The following DLGAP1 variants were observed in gnomAD, a reference collection of about 807,000 sequenced individuals.
DLGAP1 encodes DLG associated protein 1, also known as disks large-associated protein 1.
In DLGAP1, 11 loss-of-function variants were observed where a neutral mutation model predicts 90.8. The observed-to-expected ratio is 0.12, with a 90% CI of 0.08 to 0.20. The LOEUF (loss-of-function observed/expected upper bound fraction) is 0.20, where lower values mean the gene tolerates loss of function less well. DLGAP1 is among the 10% of genes least tolerant of loss of function. The pLI, the probability that DLGAP1 is intolerant of heterozygous loss-of-function variation, is 1.00. For missense variants in DLGAP1, 1,050 were observed against 1,333.8 expected (o/e 0.79, Z 3.31); for synonymous variants, 558 against 540.7 (o/e 1.03, Z -0.44).
chr18:4,068,077 C>A (rs1489960439), intron 2 of DLGAP1, among the ~76,000 whole-genome samples: 2 of 151,802 alleles, frequency 1.3e-5, no homozygotes, highest in East Asian at 3.9e-4. Flanking sequence ...TCAAAGCACA[C>A]CCTCCTTCTC....
intron 2 of DLGAP1, among the ~76,000 whole-genome samples, chr18:4,119,204 G>A (rs972369748): frequency 3.3e-5 from 5 of 151,980 alleles, no homozygotes; most frequent in South Asian, 2.1e-4. Flanking sequence ...TGATCCTCCC[G>A]CCTCAGCCTC....
At chr18:3,824,094 A>C (rs912284154) in intron 4 of DLGAP1, among the ~76,000 whole-genome samples, 1 of 152,006 alleles carries the variant, frequency 6.6e-6, no homozygotes, top group Non-Finnish European at 1.5e-5. Flanking sequence ...TATTGGAGGC[A>C]TATCTGTTGG....
chr18:4,111,916 GT>G (rs1315641227), intron 2 of DLGAP1, among the ~76,000 whole-genome samples: 2 of 150,262 alleles, frequency 1.3e-5, no homozygotes, highest in African/African-American at 4.9e-5. Context: ...TTTCTCTTTT[GT>G]TTTTGTTTTT....
rs140763489 is a variant in DLGAP1, at chr18:4,389,355, G to T, written c.-267+65651C>A. Among the ~76,000 whole-genome samples the T allele has an allele frequency of 6.7e-3, 1,016 of 152,216 alleles. 13 individuals carry two copies. Among genetic ancestry groups the T allele is most frequent in the African/African-American group, 0.023 (973 of 41,536 alleles). On this transcript the variant is annotated intron_variant, in intron 1 of 12. Transcript: ENST00000315677. ...TAAAGTAGAATGATGGCTGCCAAGG[G>T]GTACGGGTAGGGGAAAATGGGGAGT...
chr18:3,846,052 G>A (rs986727151), intron 4 of DLGAP1, among the ~76,000 whole-genome samples: 22 of 151,052 alleles, frequency 1.5e-4, no homozygotes, highest in African/African-American at 5.1e-4. Context: ...TGGTGTGTGT[G>A]TGTGTGTGTG....
intron 3 of DLGAP1, among the ~76,000 whole-genome samples, chr18:3,890,854 A>T (rs982683410): frequency 5.3e-5 from 8 of 152,180 alleles, no homozygotes; most frequent in Non-Finnish European, 7.3e-5. Flanking sequence ...TCAGCCTCCC[A>T]AAGTGCTGGA....
rs1029410641 is a variant in DLGAP1, at chr18:4,378,631, A to C, written c.-267+76375T>G. Among the ~76,000 whole-genome samples the C allele has an allele frequency of 2.0e-5, 3 of 152,112 alleles. No homozygotes were observed. Among genetic ancestry groups the C allele is most frequent in the African/African-American group, 7.2e-5 (3 of 41,430 alleles). ...CCATGGTGGGGAGGCACACTACACAATTTGAAAGCACCTAAGGTGCTCCGT... is the reference window on the plus strand; with the variant it reads ...CCATGGTGGGGAGGCACACTACACACTTTGAAAGCACCTAAGGTGCTCCGT... On this transcript the variant is annotated intron_variant, in intron 1 of 12. Coordinates refer to ENST00000315677, the MANE Select transcript of DLGAP1 (RefSeq NM_004746.4). This position sits in a 1 kb window ranked among gnomAD's most constrained non-coding sequence, Gnocchi z 4.5.
At chr18:4,335,315 T>C (rs184449008) in intron 1 of DLGAP1, among the ~76,000 whole-genome samples, 1 of 151,980 alleles carries the variant, frequency 6.6e-6, no homozygotes, top group African/African-American at 2.4e-5. Flanking sequence ...GTTTTTTACC[T>C]CCCTCCCACC....
At chr18:3,857,986 A>G (rs1425449168) in intron 4 of DLGAP1, among the ~76,000 whole-genome samples, 1 of 152,144 alleles carries the variant, frequency 6.6e-6, no homozygotes, top group Non-Finnish European at 1.5e-5. Flanking sequence ...TTCCAAACAC[A>G]ATCATTTCTT....
chr18:4,240,948 T>C (rs1486910724), intron 1 of DLGAP1, among the ~76,000 whole-genome samples: 2 of 152,256 alleles, frequency 1.3e-5, no homozygotes, highest in Non-Finnish European at 2.9e-5. Context: ...CGCTCTTTCA[T>C]GTCAGCATTC....
intron 2 of DLGAP1, among the ~76,000 whole-genome samples, chr18:4,034,161 C>T (rs2074850105): frequency 6.6e-6 from 1 of 151,476 alleles, no homozygotes; most frequent in Non-Finnish European, 1.5e-5. Context: ...CCTGCCTCAG[C>T]CTCCCGAGTA....
intron 7 of DLGAP1, among the ~76,000 whole-genome samples, chr18:3,633,962 T>C (rs1244173308): frequency 6.6e-6 from 1 of 152,228 alleles, no homozygotes; most frequent in Admixed American, 6.5e-5. Flanking sequence ...CCAATATAGA[T>C]AGATGCTAAA....
intron 1 of DLGAP1, among the ~76,000 whole-genome samples, chr18:4,154,989 T>C (rs553187457): frequency 2.6e-5 from 4 of 152,110 alleles, no homozygotes; most frequent in African/African-American, 9.6e-5. Flanking sequence ...AGGTGAAACA[T>C]GCTATAGATG....
chr18:4,402,900 T>C (rs1486155712), intron 1 of DLGAP1, among the ~76,000 whole-genome samples: 2 of 152,196 alleles, frequency 1.3e-5, no homozygotes, highest in Admixed American at 6.5e-5. Context: ...TACAGATTTA[T>C]AGATGTCCTT....
rs576754563 is a variant in DLGAP1, at chr18:4,278,011, T to C, written c.-266-126724A>G. Among the ~76,000 whole-genome samples the C allele has an allele frequency of 8.5e-5, 13 of 152,196 alleles. No individual in the cohort carries two copies. In the South Asian group the frequency reaches 2.3e-3, roughly 27 times the overall value. On this transcript the variant is annotated intron_variant, in intron 1 of 12. Coordinates refer to ENST00000315677, the MANE Select transcript of DLGAP1 (RefSeq NM_004746.4). ...TTGCATTTTTTTTTTTCTTAGACCA[T>C]TGGACGTGTTCAAATTGATTTAGAA...
chr18:4,250,954 A>C (rs1174271751), intron 1 of DLGAP1, among the ~76,000 whole-genome samples: 1 of 152,228 alleles, frequency 6.6e-6, no homozygotes, highest in African/African-American at 2.4e-5. Flanking sequence ...AGCCACAAAA[A>C]TAAAGAAACA....
chr18:3,942,129 C>A (rs2072782182), intron 3 of DLGAP1, among the ~76,000 whole-genome samples: 1 of 152,180 alleles, frequency 6.6e-6, no homozygotes, highest in South Asian at 2.1e-4. Flanking sequence ...TTCATCCCAA[C>A]TTTGTGACCT....
At chr18:4,058,080 A>T (rs2075248124) in intron 2 of DLGAP1, among the ~76,000 whole-genome samples, 1 of 152,152 alleles carries the variant, frequency 6.6e-6, no homozygotes, top group Non-Finnish European at 1.5e-5. Context: ...AGTAGGGTTA[A>T]AGCCTGAGAC....
intron 1 of DLGAP1, among the ~76,000 whole-genome samples, chr18:4,381,754 G>A (rs1476115689): frequency 6.6e-6 from 1 of 151,992 alleles, no homozygotes; most frequent in Non-Finnish European, 1.5e-5. Context: ...ATACTGATAG[G>A]CTCTCTTTCC....
Sources: gnomAD v4.1 joint callset for allele counts (sites outside exome capture counted in the v4.1 genomes callset) on GRCh38, gnomAD v4.1.1 for gene constraint, Gnocchi (gnomAD v3.1) non-coding constraint, MANE v1.5 for transcripts, NCBI Gene and HGNC (gene_info 2026-07-23, HGNC 2026-07-21) for gene names.